Variants in CEP162 observed in about 807,000 individuals in gnomAD.
CEP162 encodes the protein centrosomal protein 162.
A neutral mutation model predicts 169.2 loss-of-function variants in CEP162; 141 were observed. The observed-to-expected ratio is 0.83, with a 90% CI of 0.73 to 0.96. The LOEUF is 0.96. Among genes scored for constraint, CEP162 ranks in the 40% least tolerant of loss-of-function variants. The pLI, the probability that CEP162 is intolerant of heterozygous loss-of-function variation, is 0.00. For synonymous variants in CEP162, 540 were observed against 526.4 expected, an observed-to-expected ratio of 1.03 and a Z score of -0.35; for missense variants, 1,600 against 1,587.2, an observed-to-expected ratio of 1.01 and a Z score of -0.14.
intron 25 of CEP162, among the ~76,000 whole-genome samples, chr6:84,140,863 G>C (rs2099516285): frequency 6.6e-6 from 1 of 152,152 alleles, no homozygotes; most frequent in South Asian, 2.1e-4. Flanking sequence ...TACTGGTCTA[G>C]AGCAGCAGTT....
At chr6:84,138,749 A>G (rs2099515215) in intron 25 of CEP162, among the ~76,000 whole-genome samples, 1 of 152,204 alleles carries the variant, frequency 6.6e-6, no homozygotes, top group African/African-American at 2.4e-5. Context: ...TGACTTCATT[A>G]TCTTGCAAAC....
chr6:84,185,521 G>T, intron 12 of CEP162, 73 bp from the exon 13 acceptor site: 1 of 1,293,846 alleles, frequency 7.7e-7, no homozygotes, highest in Non-Finnish European at 1.1e-6. Flanking sequence ...ATATTTAATA[G>T]ATGGCAAAAC....
At chr6:84,143,360 T>TG (rs1381227334) in intron 25 of CEP162, among the ~76,000 whole-genome samples, 8 of 152,142 alleles carry the variant, frequency 5.3e-5, no homozygotes, top group Non-Finnish European at 8.8e-5. Context: ...TTTGTAGTTT[T>TG]CATAAGAAAT....
At chr6:84,213,061 TA>T (rs2099550139) in intron 5 of CEP162, 37 bp from the exon 6 acceptor site, 3 of 1,244,736 alleles carry the variant, frequency 2.4e-6, no homozygotes, top group East Asian at 2.5e-5. Context: ...CATTACATGT[TA>T]AAAACATATT....
At chr6:84,128,308 T>A (rs1222108258) in intron 25 of CEP162, among the ~76,000 whole-genome samples, 1 of 152,188 alleles carries the variant, frequency 6.6e-6, no homozygotes, top group Admixed American at 6.5e-5. Context: ...ACATATATTT[T>A]AAAAATCCTT....
intron 25 of CEP162, among the ~76,000 whole-genome samples, chr6:84,144,700 G>C (rs1242486342): frequency 6.6e-6 from 1 of 152,016 alleles, no homozygotes; most frequent in Non-Finnish European, 1.5e-5. Context: ...ACATCAAGCA[G>C]AACAAGAATT....
intron 11 of CEP162, among the ~76,000 whole-genome samples, chr6:84,189,587 G>A (rs2099538867): frequency 6.6e-6 from 1 of 152,216 alleles, no homozygotes; most frequent in Non-Finnish European, 1.5e-5. Context: ...TTTCTCGCCG[G>A]GCCTTAGCTG....
At chr6:84,200,658 T>A (rs1406227569) in intron 9 of CEP162, 131 bp downstream of exon 9, 3 of 438,760 alleles carry the variant, frequency 6.8e-6, no homozygotes, top group Non-Finnish European at 1.2e-5. Context: ...ATTATTATGG[T>A]AGAAAAATGT....
chr6:84,200,139 G>C (rs1364520451), intron 9 of CEP162, among the ~76,000 whole-genome samples: 3 of 152,178 alleles, frequency 2.0e-5, no homozygotes, highest in Admixed American at 1.3e-4. Context: ...TGTAGTCCCA[G>C]CTACTTGGGA....
chr6:84,194,192 T>C (rs918152143), intron 10 of CEP162, among the ~76,000 whole-genome samples: 3 of 151,716 alleles, frequency 2.0e-5, no homozygotes, highest in Admixed American at 6.6e-5. Context: ...CCATCTCTAC[T>C]AAAAAGACAA....
At chr6:84,143,740 G>GTCAAGTAAT (rs2099517667) in intron 25 of CEP162, among the ~76,000 whole-genome samples, 2 of 151,914 alleles carry the variant, frequency 1.3e-5, no homozygotes, top group African/African-American at 2.4e-5. Flanking sequence ...AAAGTACAGT[G>GTCAAGTAAT]GACAAAACTA....
At chr6:84,163,047 G>GT in intron 19 of CEP162, 97 bp downstream of exon 19, 1 of 1,138,294 alleles carries the variant, frequency 8.8e-7, no homozygotes. Flanking sequence ...ACTTCAAGGA[G>GT]TAGCATTTTG....
chr6:84,147,794 A>G (rs565645675), intron 24 of CEP162, among the ~76,000 whole-genome samples: 50 of 152,312 alleles, frequency 3.3e-4, no homozygotes, highest in Non-Finnish European at 5.9e-4. Context: ...TAAATATAAC[A>G]TAAGCCTCAT....
intron 6 of CEP162, among the ~76,000 whole-genome samples, chr6:84,206,464 T>C (rs1352800886): frequency 6.6e-6 from 1 of 152,168 alleles, no homozygotes; most frequent in African/African-American, 2.4e-5. Context: ...AAATAAGAAA[T>C]GAGGAAAGGA....
In CEP162 at chr6:84,196,045, T is replaced by C. The variant is rs533743218; in HGVS notation, c.836-970A>G. ...TCACTACTCAGTCAAAATAGAAACCTTGATGTCATCATTCACTCTTCCTTC... is the reference window on the plus strand; with the variant it reads ...TCACTACTCAGTCAAAATAGAAACCCTGATGTCATCATTCACTCTTCCTTC... On this transcript the variant is annotated intron_variant, in intron 9 of 26. Transcript: ENST00000403245. Among the ~76,000 whole-genome samples the C allele has an allele frequency of 2.2e-4, 33 of 152,280 alleles. 1 individual carries two copies. The South Asian group carries it at 6.6e-3, about 31-fold the overall frequency.
intron 18 of CEP162, 102 bp downstream of exon 18, chr6:84,169,226 T>A (rs531359913): frequency 1.0e-4 from 71 of 685,620 alleles, no homozygotes; most frequent in South Asian, 9.5e-4. Flanking sequence ...ATAGATTTTT[T>A]AATACATTTC....
chr6:84,164,061 A>C (rs1447181996), intron 18 of CEP162, among the ~76,000 whole-genome samples: 2 of 152,110 alleles, frequency 1.3e-5, no homozygotes, highest in African/African-American at 4.8e-5. Context: ...GACTCTTCTC[A>C]AAAGACGACA....
intron 25 of CEP162, among the ~76,000 whole-genome samples, chr6:84,135,842 G>C (rs1222670615): frequency 6.6e-6 from 1 of 152,136 alleles, no homozygotes; most frequent in Non-Finnish European, 1.5e-5. Context: ...CAGCCTGGGC[G>C]ACAACAGTAA....
intron 10 of CEP162, among the ~76,000 whole-genome samples, chr6:84,194,364 A>C (rs1224961775): frequency 7.0e-6 from 1 of 143,628 alleles, no homozygotes; most frequent in Admixed American, 7.5e-5. Context: ...CAAAAAAAAA[A>C]AAAGAAAAGA....
Sources: allele counts gnomAD v4.1 joint callset (sites outside exome capture counted in the v4.1 genomes callset), GRCh38; gene constraint gnomAD v4.1.1; transcripts MANE v1.5; gene names NCBI Gene and HGNC (gene_info 2026-07-23, HGNC 2026-07-21).